MPZL1: variants seen among roughly 807,000 people sequenced by gnomAD.
MPZL1 encodes myelin protein zero like 1.
A neutral mutation model predicts 29.3 loss-of-function variants in MPZL1; 16 were observed. The observed-to-expected ratio is 0.55, with a 90% CI of 0.37 to 0.83. The LOEUF (loss-of-function observed/expected upper bound fraction) is 0.83. MPZL1 is among the 40% of genes least tolerant of loss of function. MPZL1 has a pLI of 0.00. For synonymous variants in MPZL1, 143 were observed against 132.0 expected (o/e 1.08, Z -0.57); for missense variants, 279 against 332.9 (o/e 0.84, Z 1.26).
intron 5 of MPZL1, among the ~76,000 whole-genome samples, chr1:167,780,361 T>G (rs187842876): frequency 7.9e-5 from 12 of 152,240 alleles, no homozygotes; most frequent in African/African-American, 2.9e-4. Flanking sequence ...TAAACCACTT[T>G]AAATAAAAAG....
chr1:167,731,199 C>G (rs935036422), intron 1 of MPZL1, among the ~76,000 whole-genome samples: 5 of 152,112 alleles, frequency 3.3e-5, no homozygotes, highest in Admixed American at 1.3e-4. Context: ...CTTTGGGAGG[C>G]TGAGGTGGAC....
rs1305082754 is a variant in MPZL1 at position 167,740,062 on chromosome 1, C to T, written c.91+17820C>T. 1.2e-4 allele frequency among the ~76,000 whole-genome samples: 19 copies of T among 152,182 alleles called. 1 individual carries two copies. The highest frequency in any genetic ancestry group is 1.8e-4 in the Non-Finnish European group (12 of 68,036). On this transcript the variant is annotated intron_variant, in intron 1 of 5. Coordinates refer to ENST00000359523, the MANE Select transcript of MPZL1 (RefSeq NM_003953.6). ...TCCTACTTCCCCAGCCCTTCTGTGC[C>T]ATCATTGCACTTACCTGGCAATCCC...
At chr1:167,769,376 A>AG (rs1661191920) in intron 2 of MPZL1, among the ~76,000 whole-genome samples, 2 of 152,160 alleles carry the variant, frequency 1.3e-5, no homozygotes, top group Admixed American at 1.3e-4. Flanking sequence ...TCAGGGCTGA[A>AG]GTCAGACATG....
chr1:167,722,308 C>A (rs997601780), intron 1 of MPZL1, 66 bp downstream of exon 1: 9 of 1,230,734 alleles, frequency 7.3e-6, no homozygotes, highest in African/African-American at 1.6e-5. Flanking sequence ...ACACGCCCAT[C>A]GCGGCGGTCG....
At chr1:167,763,289 G>A (rs1482682251) in intron 1 of MPZL1, among the ~76,000 whole-genome samples, 1 of 152,142 alleles carries the variant, frequency 6.6e-6, no homozygotes, top group Non-Finnish European at 1.5e-5. Context: ...GCCGGGGCTG[G>A]TGAATCACCT....
At chr1:167,764,912 A>G (rs1177492027) in intron 1 of MPZL1, 2 of 152,264 alleles carry the variant, frequency 1.3e-5, no homozygotes, top group Non-Finnish European at 2.9e-5. Flanking sequence ...GTATAATTTT[A>G]ACTAGATAAC....
At chr1:167,765,527 A>G in intron 1 of MPZL1, 56 bp from the exon 2 acceptor site, 2 of 1,448,560 alleles carry the variant, frequency 1.4e-6, no homozygotes, top group Non-Finnish European at 1.9e-6. Context: ...GCAAAAATGC[A>G]CAGTGGTATT....
At chr1:167,767,815 T>TTC (rs397981852) in intron 2 of MPZL1, among the ~76,000 whole-genome samples, 9 of 143,488 alleles carry the variant, frequency 6.3e-5, no homozygotes, top group African/African-American at 2.5e-4. Context: ...TTTTTTTTTT[T>TTC]AGGTTAATTG....
chr1:167,778,746 A>G (rs1661426350), intron 5 of MPZL1, among the ~76,000 whole-genome samples: 1 of 152,084 alleles, frequency 6.6e-6, no homozygotes, highest in South Asian at 2.1e-4. Flanking sequence ...CCCAATGAGG[A>G]AAGAAATAGA....
Position 167,787,953 on chromosome 1 carries a change from A to G in MPZL1, c.*32A>G. On this transcript the variant is annotated 3_prime_UTR_variant, in exon 6 of 6. Transcript: ENST00000359523. ...ACCTAGAACATATCCTCAGCAAGAAACAAAACCAAACTGGACTCTCGTGCA... is the reference window on the plus strand; with the variant it reads ...ACCTAGAACATATCCTCAGCAAGAAGCAAAACCAAACTGGACTCTCGTGCA... 1.3e-6 allele frequency: 2 copies of G among 1,552,218 alleles called. No homozygotes were observed. The highest frequency in any genetic ancestry group is 2.2e-5 in the South Asian group (2 of 89,652).
intron 1 of MPZL1, among the ~76,000 whole-genome samples, chr1:167,726,167 CTGTG>C (rs1660142325): frequency 6.6e-6 from 1 of 152,188 alleles, no homozygotes; most frequent in Admixed American, 6.5e-5. Context: ...TCTTTCTGCT[CTGTG>C]ACACTCATTC....
At chr1:167,769,021 A>C (rs1661185501) in intron 2 of MPZL1, among the ~76,000 whole-genome samples, 2 of 152,218 alleles carry the variant, frequency 1.3e-5, no homozygotes, top group Non-Finnish European at 2.9e-5. Context: ...AAACATTGGA[A>C]ATAGCATAAG....
intron 2 of MPZL1, among the ~76,000 whole-genome samples, chr1:167,766,320 G>A (rs938412764): frequency 6.6e-6 from 1 of 152,076 alleles, no homozygotes; most frequent in African/African-American, 2.4e-5. Flanking sequence ...CAGCACCAGA[G>A]CATTGAAAAA....
At chr1:167,767,221 G>A (rs1280777167) in intron 2 of MPZL1, among the ~76,000 whole-genome samples, 1 of 152,200 alleles carries the variant, frequency 6.6e-6, no homozygotes, top group Non-Finnish European at 1.5e-5. Flanking sequence ...GACATAAAGA[G>A]GCATTCTCTG....
At chr1:167,726,257 T>G (rs1305875879) in intron 1 of MPZL1, among the ~76,000 whole-genome samples, 1 of 152,226 alleles carries the variant, frequency 6.6e-6, no homozygotes, top group Non-Finnish European at 1.5e-5. Flanking sequence ...GGCTCTAAGT[T>G]TCACATCTTT....
chr1:167,735,961 C>T (rs1660370196), intron 1 of MPZL1, among the ~76,000 whole-genome samples: 1 of 152,214 alleles, frequency 6.6e-6, no homozygotes, highest in African/African-American at 2.4e-5. Flanking sequence ...TTTCTCTTTA[C>T]ATCTCAACTT....
At chr1:167,746,668 G>A (rs1660652855) in intron 1 of MPZL1, among the ~76,000 whole-genome samples, 2 of 152,148 alleles carry the variant, frequency 1.3e-5, no homozygotes, top group Admixed American at 1.3e-4. Flanking sequence ...GGCAAGCTGT[G>A]TGACAAAGTT....
At chr1:167,733,455 TG>T (rs1660310332) in intron 1 of MPZL1, among the ~76,000 whole-genome samples, 1 of 152,214 alleles carries the variant, frequency 6.6e-6, no homozygotes, top group Non-Finnish European at 1.5e-5. Flanking sequence ...GTGAAAGGTG[TG>T]TCCTCTGGCT....
chr1:167,775,523 T>TG (rs1350311191), intron 4 of MPZL1, among the ~76,000 whole-genome samples: 3 of 152,168 alleles, frequency 2.0e-5, no homozygotes, highest in African/African-American at 7.2e-5. Context: ...TCCTGAGTTT[T>TG]TGGGGGGATT....
Sources: gnomAD v4.1 joint callset for allele counts (sites outside exome capture counted in the v4.1 genomes callset) on GRCh38, gnomAD v4.1.1 for gene constraint, MANE v1.5 for transcripts, NCBI Gene and HGNC (gene_info 2026-07-23, HGNC 2026-07-21) for gene names.